The following PCDHA1 variants were observed in gnomAD, a reference collection of about 807,000 sequenced individuals.
PCDHA1 encodes the protein protocadherin alpha 1.
A neutral mutation model predicts 61.3 loss-of-function variants in PCDHA1; 42 were observed. The observed-to-expected ratio is 0.69, with a 90% confidence interval of 0.54 to 0.89. PCDHA1 has a LOEUF of 0.89. PCDHA1 is among the 40% of genes least tolerant of loss of function. The probability of loss-of-function intolerance (pLI) is 0.00; values close to 1 mark genes in which losing one functional copy is unlikely to be tolerated. For synonymous variants in PCDHA1, 610 were observed against 553.8 expected, an observed-to-expected ratio of 1.10 and a Z score of -1.43; for missense variants, 1,256 against 1,235.3, an observed-to-expected ratio of 1.02 and a Z score of -0.25.
At chr5:140,862,842 G>T (rs1554157108) in intron 1 of PCDHA1, 2 of 572,864 alleles carry the variant, frequency 3.5e-6, no homozygotes, top group Middle Eastern at 3.7e-4. Context: ...CGGGCATGCC[G>T]CCTCTGAGCA....
intron 3 of PCDHA1, among the ~76,000 whole-genome samples, chr5:141,000,361 GTCTCTC>G (rs148596731): frequency 0.13 from 3,495 of 26,124 alleles, 319 homozygotes; most frequent in Middle Eastern, 0.15. Context: ...GTCTCTCTCT[GTCTCTC>G]TCTCTCTCTC....
chr5:140,809,056 C>A (rs782158159), intron 1 of PCDHA1: 2 of 1,613,762 alleles, frequency 1.2e-6, no homozygotes, highest in Non-Finnish European at 1.7e-6. Flanking sequence ...TCCCGTTCCG[C>A]GTGGGGCTGT....
intron 1 of PCDHA1, among the ~76,000 whole-genome samples, chr5:140,906,351 C>A (rs966982758): frequency 3.9e-5 from 6 of 152,128 alleles, no homozygotes; most frequent in Non-Finnish European, 5.9e-5. Context: ...CAAGAATGCA[C>A]CAATTCCCAA....
intron 1 of PCDHA1, among the ~76,000 whole-genome samples, chr5:140,946,631 T>TATATATTATATATATATATATATATACAC (rs57893927): frequency 7.6e-6 from 1 of 131,846 alleles, no homozygotes; most frequent in African/African-American, 3.5e-5. Flanking sequence ...TATATATATA[T>TATATATTATATATATATATATATATACAC]ACAATGGAAT....
In PCDHA1 at chr5:140,823,155, C is replaced by G. The variant is rs142802947; in HGVS notation, c.2394+34471C>G. On this transcript the variant is annotated intron_variant, in intron 1 of 3. Transcript: ENST00000504120. ...CGGCGTTCGCGCAGCCCCAGTATAC[C>G]GTGTTCGTGAAGGAGAACAACCCGC... The G allele has an allele frequency of 1.5e-5, 25 of 1,613,718 alleles. No individual in the cohort carries two copies. In the Admixed American group the frequency reaches 4.0e-4, roughly 26 times the overall value.
At chr5:140,835,268 G>A in intron 1 of PCDHA1, 5 of 1,609,704 alleles carry the variant, frequency 3.1e-6, no homozygotes, top group Non-Finnish European at 4.2e-6. Flanking sequence ...AGTTCCACAT[G>A]GACCCCTTAA....
chr5:140,957,746 AG>A (rs1173855054), intron 1 of PCDHA1, among the ~76,000 whole-genome samples: 1 of 152,136 alleles, frequency 6.6e-6, no homozygotes, highest in Non-Finnish European at 1.5e-5. Flanking sequence ...CTGACATGAA[AG>A]GATGTTCATT....
chr5:140,877,663 C>T (rs1554169960), intron 1 of PCDHA1: 22 of 1,613,432 alleles, frequency 1.4e-5, no homozygotes, highest in Admixed American at 1.7e-5. Context: ...CACCGTGAGC[C>T]GGTGCGCGCC....
In PCDHA1 at chr5:140,993,459, T is replaced by TTC. The variant is rs202191067; in HGVS notation, c.2542+10899_2542+10900dup. 1.1e-4 allele frequency among the ~76,000 whole-genome samples: 9 copies of TTC among 83,038 alleles called. No individual in the cohort carries two copies. The East Asian group carries it at 1.5e-3, about 13-fold the overall frequency. 54.5% of individuals were successfully genotyped at this position (83,038 alleles called of 152,430 possible). Reference sequence around the variant, plus strand: ...ATTCATTCCTGTTCTCCTTCTTTCTTTCTCACACACACACACACACACACA... The same window carrying TTC: ...ATTCATTCCTGTTCTCCTTCTTTCTTTCTCTCACACACACACACACACACACA... On this transcript the variant is annotated intron_variant, in intron 3 of 3. Coordinates refer to ENST00000504120, the MANE Select transcript of PCDHA1 (RefSeq NM_018900.4).
Position 140,927,144 on chromosome 5 carries a change from A to T in PCDHA1, c.2395-51805A>T, listed in dbSNP as rs116743674. 1.1e-5 allele frequency: 18 copies of T among 1,614,102 alleles called. No individual in the cohort carries two copies. The South Asian group carries it at 1.9e-4, about 17-fold the overall frequency. On this transcript the variant is annotated intron_variant, in intron 1 of 3. Transcript: ENST00000504120. Reference sequence around the variant, plus strand: ...TGGTCAGAGAGCCGGCGGACCGCGAACAGCTGTGCAGGGCCAAAGCTGCCT... The same window carrying T: ...TGGTCAGAGAGCCGGCGGACCGCGATCAGCTGTGCAGGGCCAAAGCTGCCT...
chr5:140,929,541 G>A, intron 1 of PCDHA1: 6 of 542,944 alleles, frequency 1.1e-5, no homozygotes, highest in Non-Finnish European at 1.8e-5. Context: ...AGAAACAAGG[G>A]CAAAAATTAA....
intron 1 of PCDHA1, chr5:140,822,282 C>T: frequency 1.2e-6 from 2 of 1,614,222 alleles, no homozygotes; most frequent in Admixed American, 1.7e-5. Context: ...AATTGAGATA[C>T]AGGTTAAATC....
intron 1 of PCDHA1, chr5:140,928,490 CT>C: frequency 1.2e-6 from 2 of 1,614,150 alleles, no homozygotes; most frequent in Non-Finnish European, 1.7e-6. Context: ...GGTGGCATTC[CT>C]CCCAGAAGTG....
At chr5:140,829,537 G>T (rs2150169697) in intron 1 of PCDHA1, 4 of 1,612,962 alleles carry the variant, frequency 2.5e-6, no homozygotes, top group Non-Finnish European at 3.4e-6. Flanking sequence ...CGCGAGACGC[G>T]GACGCGCAGG....
At chr5:140,841,446 G>A (rs2150180701) in intron 1 of PCDHA1, 1 of 1,612,928 alleles carries the variant, frequency 6.2e-7, no homozygotes, top group Non-Finnish European at 8.5e-7. Context: ...GCCAAACACG[G>A]CACCTTCGTG....
chr5:140,808,144 T>C (rs781813309), intron 1 of PCDHA1: 2 of 1,614,138 alleles, frequency 1.2e-6, no homozygotes, highest in Non-Finnish European at 1.7e-6. Flanking sequence ...ATGAAATTAT[T>C]GTAGAGGGCA....
chr5:140,944,881 T>C (rs1554216593), intron 1 of PCDHA1, among the ~76,000 whole-genome samples: 1 of 152,180 alleles, frequency 6.6e-6, no homozygotes, highest in Non-Finnish European at 1.5e-5. Flanking sequence ...CCTACTCCAC[T>C]GTACAGTTCC....
chr5:140,993,460 T>TCACACACA (rs1554253699), intron 3 of PCDHA1, among the ~76,000 whole-genome samples: 14 of 104,506 alleles, frequency 1.3e-4, no homozygotes, highest in African/African-American at 2.4e-4. Flanking sequence ...CTTCTTTCTT[T>TCACACACA]CTCACACACA....
At chr5:140,795,863 G>A in intron 1 of PCDHA1, 3 of 1,613,850 alleles carry the variant, frequency 1.9e-6, no homozygotes, top group Middle Eastern at 1.6e-4. Flanking sequence ...CCCATCTCAG[G>A]GGAAATCAGA....
Sources: gnomAD v4.1 joint callset for allele counts (sites outside exome capture counted in the v4.1 genomes callset) on GRCh38, gnomAD v4.1.1 for gene constraint, MANE v1.5 for transcripts, NCBI Gene and HGNC (gene_info 2026-07-23, HGNC 2026-07-21) for gene names.